The following SAMD3 variants were observed in gnomAD, a reference collection of about 807,000 sequenced individuals.
The protein encoded by SAMD3 is sterile alpha motif domain containing 3, also known as sterile alpha motif domain-containing protein 3.
A neutral mutation model predicts 58.5 loss-of-function variants in SAMD3; 63 were observed. The observed-to-expected ratio is 1.08, with a 90% CI of 0.88 to 1.33. The LOEUF is 1.33. SAMD3 is among the 40% of genes most tolerant of loss of function. The pLI is 0.00. For synonymous variants in SAMD3, 220 were observed against 210.3 expected (o/e 1.05, Z -0.40); for missense variants, 604 against 608.4 (o/e 0.99, Z 0.08).
intron 5 of SAMD3, among the ~76,000 whole-genome samples, chr6:130,191,558 T>G (rs79584929): frequency 0.026 from 3,959 of 152,112 alleles, 64 homozygotes; most frequent in African/African-American, 0.032. Flanking sequence ...ATTTTCAAAC[T>G]AGAAAGCTTC....
intron 9 of SAMD3, among the ~76,000 whole-genome samples, chr6:130,154,367 C>G (rs183637862): frequency 2.0e-5 from 3 of 151,818 alleles, no homozygotes; most frequent in Non-Finnish European, 4.4e-5. Context: ...TGAGATTCAC[C>G]CCCACTGTCT....
At chr6:130,304,577 T>C (rs890209585) in intron 2 of SAMD3, among the ~76,000 whole-genome samples, 1 of 152,234 alleles carries the variant, frequency 6.6e-6, no homozygotes, top group Non-Finnish European at 1.5e-5. Context: ...GCTAGAGCTT[T>C]ATGACTTTTT....
chr6:130,143,303 T>C (rs906184645), downstream of SAMD3: 1 of 152,336 alleles, frequency 6.6e-6, no homozygotes, highest in African/African-American at 2.4e-5. Context: ...TGGAGTACAA[T>C]TGCATGATCT....
At chr6:130,183,159 C>T (rs772790926) in intron 7 of SAMD3, 34 of 343,352 alleles carry the variant, frequency 9.9e-5, no homozygotes, top group Non-Finnish European at 1.6e-4. Context: ...CGTGGTTGTA[C>T]ATTAGAATAA....
At chr6:130,228,982 T>A (rs1796463003) in intron 2 of SAMD3, among the ~76,000 whole-genome samples, 1 of 152,214 alleles carries the variant, frequency 6.6e-6, no homozygotes, top group South Asian at 2.1e-4. Flanking sequence ...ATTTAGTTGC[T>A]TCCCAGGCTT....
At chr6:130,156,118 C>A (rs549939503) in intron 8 of SAMD3, among the ~76,000 whole-genome samples, 2 of 152,156 alleles carry the variant, frequency 1.3e-5, no homozygotes, top group East Asian at 3.9e-4. Flanking sequence ...TCAGGAGGAT[C>A]ACCTAAAGCC....
intron 1 of SAMD3, among the ~76,000 whole-genome samples, chr6:130,317,596 G>A (rs1336381879): frequency 1.3e-5 from 2 of 152,204 alleles, no homozygotes; most frequent in Admixed American, 6.5e-5. Flanking sequence ...AGTTGTTTTT[G>A]TAGATAGATA....
intron 2 of SAMD3, among the ~76,000 whole-genome samples, chr6:130,266,790 T>G (rs1276960701): frequency 1.3e-5 from 2 of 152,182 alleles, no homozygotes; most frequent in Admixed American, 1.3e-4. Flanking sequence ...CTCCTAGGCT[T>G]CCCTGCCTAT....
chr6:130,333,668 T>C (rs1777010045), intron 1 of SAMD3, among the ~76,000 whole-genome samples: 1 of 152,228 alleles, frequency 6.6e-6, no homozygotes, highest in African/African-American at 2.4e-5. Flanking sequence ...CAATATAAAA[T>C]CTGATATAAG....
rs148057046 is a variant in SAMD3 at position 130,178,068 on chromosome 6, G to T, written c.655-2060C>A. 4.3e-4 allele frequency among the ~76,000 whole-genome samples: 66 copies of T among 152,178 alleles called. No homozygotes were observed. In the East Asian group the frequency reaches 0.011, roughly 25 times the overall value. On this transcript the variant is annotated intron_variant, in intron 7 of 11. Transcript: ENST00000439090. Reference sequence around the variant, plus strand: ...TGGCTCACTGCAATCTCCACCTCCTGGGCTCAAGCGATTCTCCTGCCTCAG... The same window carrying T: ...TGGCTCACTGCAATCTCCACCTCCTTGGCTCAAGCGATTCTCCTGCCTCAG...
At chr6:130,365,289 T>G (rs969842423) in exon 1 of SAMD3, 2 of 985,330 alleles carry the variant, frequency 2.0e-6, no homozygotes, top group African/African-American at 1.7e-5. Context: ...GCACTGCTCA[T>G]CGAAGACCCC....
At chr6:130,229,639 T>C (rs898691554) in intron 2 of SAMD3, among the ~76,000 whole-genome samples, 3 of 152,190 alleles carry the variant, frequency 2.0e-5, no homozygotes, top group Admixed American at 2.0e-4. Context: ...AACATCATGT[T>C]ATGCTTCCAT....
At chr6:130,317,582 G>T (rs1266851250) in intron 1 of SAMD3, among the ~76,000 whole-genome samples, 5 of 152,198 alleles carry the variant, frequency 3.3e-5, no homozygotes, top group Non-Finnish European at 5.9e-5. Context: ...GGACTTAAAG[G>T]ATGAGTTGTT....
chr6:130,298,171 C>CT (rs1287029602), intron 2 of SAMD3, among the ~76,000 whole-genome samples: 3 of 152,174 alleles, frequency 2.0e-5, no homozygotes, highest in Non-Finnish European at 4.4e-5. Flanking sequence ...TCCCATCAGA[C>CT]TAACAGTAGA....
intron 1 of SAMD3, among the ~76,000 whole-genome samples, chr6:130,350,089 T>C (rs1448144047): frequency 1.3e-5 from 2 of 152,162 alleles, no homozygotes; most frequent in Admixed American, 1.3e-4. Context: ...ATAAGAGCTA[T>C]CTATGACAAA....
Position 130,146,186 on chromosome 6 carries a change from C to A in SAMD3, c.1024-5G>T. The A allele has an allele frequency of 1.3e-6, 2 of 1,552,890 alleles. No individual in the cohort carries two copies. Among genetic ancestry groups the A allele is most frequent in the South Asian group, 1.2e-5 (1 of 80,302 alleles). Reference sequence around the variant, plus strand: ...AAGTTGGAATTCTCTGAACATCTGACAAAAGAAGAAAGCAATGGATACATC... The same window carrying A: ...AAGTTGGAATTCTCTGAACATCTGAAAAAAGAAGAAAGCAATGGATACATC... On this transcript the variant is annotated splice_region_variant and splice_polypyrimidine_tract_variant and intron_variant, in intron 9 of 11. Transcript: ENST00000439090.
At chr6:130,360,205 G>C (rs146655612) in intron 1 of SAMD3, among the ~76,000 whole-genome samples, 13 of 152,312 alleles carry the variant, frequency 8.5e-5, no homozygotes, top group Non-Finnish European at 1.6e-4. Flanking sequence ...AATGACTATT[G>C]TTTACAGAAC....
At chr6:130,317,793 A>T (rs1232273394) in intron 1 of SAMD3, among the ~76,000 whole-genome samples, 2 of 152,214 alleles carry the variant, frequency 1.3e-5, no homozygotes, top group Admixed American at 6.5e-5. Flanking sequence ...TGCTGGAGAG[A>T]TGAGAAATAA....
chr6:130,286,257 T>C (rs936211886), intron 2 of SAMD3: 1 of 152,174 alleles, frequency 6.6e-6, no homozygotes, highest in African/African-American at 2.4e-5. Context: ...CAACACAGGA[T>C]GGCCAGAAGG....
Sources: allele counts gnomAD v4.1 joint callset (sites outside exome capture counted in the v4.1 genomes callset), GRCh38; gene constraint gnomAD v4.1.1; transcripts MANE v1.5; gene names NCBI Gene and HGNC (gene_info 2026-07-23, HGNC 2026-07-21).